The following CTDSPL2 variants were observed in gnomAD, a reference collection of about 807,000 sequenced individuals.
The protein encoded by CTDSPL2 is CTD small phosphatase-like protein 2.
Under a neutral mutation model 60.0 loss-of-function variants are expected in CTDSPL2, and 5 were observed. The observed-to-expected ratio is 0.08, with a 90% CI of 0.04 to 0.18. The LOEUF (loss-of-function observed/expected upper bound fraction) is 0.18, where lower values mean the gene tolerates loss of function less well. Among genes scored for constraint, CTDSPL2 ranks in the 10% least tolerant of loss-of-function variants. The pLI is 1.00. For synonymous variants in CTDSPL2, 186 were observed against 189.3 expected (o/e 0.98, Z 0.14); for missense variants, 370 against 548.8 (o/e 0.67, Z 3.26).
At chr15:44,465,355 C>G (rs1275199052) in intron 2 of CTDSPL2, among the ~76,000 whole-genome samples, 1 of 152,142 alleles carries the variant, frequency 6.6e-6, no homozygotes, top group African/African-American at 2.4e-5. Context: ...ACAAAATGAC[C>G]TTTTCCTCTA....
chr15:44,505,211 G>A (rs763796503), intron 8 of CTDSPL2, among the ~76,000 whole-genome samples: 10 of 151,730 alleles, frequency 6.6e-5, no homozygotes, highest in Non-Finnish European at 1.2e-4. Context: ...GTGGGTGGAT[G>A]GCTTGAGCTC....
intron 2 of CTDSPL2, among the ~76,000 whole-genome samples, chr15:44,469,388 G>A (rs188112431): frequency 5.3e-5 from 8 of 152,192 alleles, no homozygotes; most frequent in Admixed American, 3.3e-4. Context: ...GCCTATGGCT[G>A]TAGCTTGCTA....
At chr15:44,433,270 G>T (rs1886305911) in intron 1 of CTDSPL2, among the ~76,000 whole-genome samples, 2 of 149,890 alleles carry the variant, frequency 1.3e-5, no homozygotes, top group South Asian at 4.2e-4. Context: ...AGCCGTGAGG[G>T]TGCCATCCAT....
intron 1 of CTDSPL2, among the ~76,000 whole-genome samples, chr15:44,435,462 C>T (rs1338011142): frequency 3.3e-5 from 5 of 151,026 alleles, no homozygotes; most frequent in African/African-American, 4.9e-5. Flanking sequence ...CCCAGCTACT[C>T]GGGAGGCTGA....
In CTDSPL2 at chr15:44,499,763, G is replaced by C; in HGVS notation, c.919G>C (p.Glu307Gln). 6.2e-7 allele frequency: 1 copy of C among 1,607,974 alleles called. No individual in the cohort carries two copies. The highest frequency in any genetic ancestry group is 8.5e-7 in the Non-Finnish European group (1 of 1,175,858). The change falls in exon 8 of 13, where the codon GAA becomes CAA. Residue 307 changes from glutamate (E) to glutamine (Q), a missense_variant. Coordinates refer to ENST00000260327, the MANE Select transcript of CTDSPL2 (RefSeq NM_016396.3). ...TLVHCSLNEL[E>Q]DAALTFPVLF... is the part of the protein sequence containing the mutation. The stretch of plus-strand genomic sequence containing the variant: ...AGTGCATTGTAGTCTAAATGAGCTA[G>C]AAGATGCAGCACTTACTTTTCCAGT...
At position 44,484,379 on chromosome 15, in the gene CTDSPL2, A is replaced by G; in HGVS notation, c.325+17A>G. ...TAAATGGAGGTTTGTTAATATTTAG[A>G]TACTGTTTTATTTAGGTGTAAGCAG... is the stretch of plus-strand genomic sequence containing the variant. On this transcript the variant is annotated intron_variant, in intron 3 of 12. Transcript: ENST00000260327. 1.2e-6 allele frequency: 2 copies of G among 1,605,382 alleles called. No individual in the cohort carries two copies. Among genetic ancestry groups the G allele is most frequent in the Non-Finnish European group, 8.5e-7 (1 of 1,173,202 alleles).
At chr15:44,430,851 C>A in intron 1 of CTDSPL2, among the ~76,000 whole-genome samples, 1 of 151,136 alleles carries the variant, frequency 6.6e-6, no homozygotes, top group Non-Finnish European at 1.5e-5. Flanking sequence ...GACGGAGTTT[C>A]GCTCTTATTG....
chr15:44,431,124 CTT>C (rs747235503), intron 1 of CTDSPL2, among the ~76,000 whole-genome samples: 53 of 139,500 alleles, frequency 3.8e-4, no homozygotes, highest in East Asian at 8.3e-4. Flanking sequence ...ATCTGGCCCA[CTT>C]TTTTTTTTTT....
At chr15:44,476,676 C>A (rs775776532) in intron 2 of CTDSPL2, among the ~76,000 whole-genome samples, 1 of 151,962 alleles carries the variant, frequency 6.6e-6, no homozygotes, top group African/African-American at 2.4e-5. Flanking sequence ...AGTAGTTTGC[C>A]GAACAGGTGG....
chr15:44,448,565 T>A (rs1005570569), intron 1 of CTDSPL2: 28 of 286,098 alleles, frequency 9.8e-5, no homozygotes, highest in Admixed American at 8.0e-5. Flanking sequence ...AAGATTTCCT[T>A]TATTCTGCCC....
intron 1 of CTDSPL2, among the ~76,000 whole-genome samples, chr15:44,433,634 C>T (rs1256591435): frequency 6.6e-6 from 1 of 151,900 alleles, no homozygotes; most frequent in Non-Finnish European, 1.5e-5. Flanking sequence ...AGGTGTTTGC[C>T]ACCACGCCTG....
chr15:44,516,301 C>G (rs1308415445), intron 10 of CTDSPL2, among the ~76,000 whole-genome samples: 1 of 152,126 alleles, frequency 6.6e-6, no homozygotes, highest in Non-Finnish European at 1.5e-5. Flanking sequence ...ATACTTTTCC[C>G]ATGTTGTCTT....
intron 2 of CTDSPL2, among the ~76,000 whole-genome samples, chr15:44,483,567 A>G (rs71478332): frequency 6.6e-6 from 1 of 152,088 alleles, no homozygotes; most frequent in Non-Finnish European, 1.5e-5. Context: ...AAATTAGAAA[A>G]CTATATATAT....
intron 1 of CTDSPL2, among the ~76,000 whole-genome samples, chr15:44,444,887 G>T (rs1254114904): frequency 2.7e-5 from 3 of 110,720 alleles, no homozygotes; most frequent in African/African-American, 1.1e-4. Context: ...TCCCTCTGTT[G>T]CCCAGGCTGG....
At position 44,478,379 on chromosome 15, in the gene CTDSPL2, G is replaced by A. The variant is rs570613785; in HGVS notation, c.187-5845G>A. ...AGGCAGGAAAATCGCTTGAACCCGG[G>A]AGGTGGAGGTTGCAGTGAGCTGAGA... On this transcript the variant is annotated intron_variant, in intron 2 of 12. Coordinates refer to ENST00000260327, the MANE Select transcript of CTDSPL2 (RefSeq NM_016396.3). Among the ~76,000 whole-genome samples the A allele has an allele frequency of 4.4e-3, 656 of 149,048 alleles. 4 individuals are homozygous for A. The highest frequency in any genetic ancestry group is 0.016 in the African/African-American group (626 of 39,996).
intron 2 of CTDSPL2, among the ~76,000 whole-genome samples, chr15:44,471,248 G>T (rs2080803960): frequency 6.6e-6 from 1 of 151,928 alleles, no homozygotes; most frequent in African/African-American, 2.4e-5. Flanking sequence ...TATTTAAGTT[G>T]TTTCTGTTTT....
chr15:44,523,313 G>T (rs936278966), intron 12 of CTDSPL2, among the ~76,000 whole-genome samples: 1 of 152,074 alleles, frequency 6.6e-6, no homozygotes, highest in Non-Finnish European at 1.5e-5. Flanking sequence ...CCACCATTTT[G>T]GAAGGCTAAG....
intron 1 of CTDSPL2, among the ~76,000 whole-genome samples, chr15:44,442,694 G>A (rs979477127): frequency 1.3e-5 from 2 of 151,876 alleles, no homozygotes; most frequent in African/African-American, 2.4e-5. Context: ...AAAAAAATAG[G>A]GCCAGGCATG....
intron 5 of CTDSPL2, among the ~76,000 whole-genome samples, chr15:44,492,895 G>A (rs2081240426): frequency 6.6e-6 from 1 of 152,080 alleles, no homozygotes; most frequent in Non-Finnish European, 1.5e-5. Flanking sequence ...TAAAGTTCAG[G>A]GCTTTGGCTT....
Sources: allele counts gnomAD v4.1 joint callset (sites outside exome capture counted in the v4.1 genomes callset), GRCh38; gene constraint gnomAD v4.1.1; transcripts MANE v1.5; gene names NCBI Gene and HGNC (gene_info 2026-07-23, HGNC 2026-07-21).